DOCK10: variants seen among roughly 807,000 people sequenced by gnomAD.
DOCK10 encodes dedicator of cytokinesis protein 10.
DOCK10 carries 145 observed loss-of-function variants against 280.1 expected under a neutral mutation model. That is an observed-to-expected ratio of 0.52 (90% CI 0.45 to 0.59). The LOEUF (loss-of-function observed/expected upper bound fraction) is 0.59, where lower values mean the gene tolerates loss of function less well. Ranked by LOEUF, DOCK10 falls within the 20% of genes least tolerant of loss-of-function variation. DOCK10 has a pLI of 0.00. For synonymous variants in DOCK10, 915 were observed against 942.2 expected (o/e 0.97, Z 0.53); for missense variants, 2,368 against 2,651.7 (o/e 0.89, Z 2.35).
At chr2:224,849,747 T>G in intron 18 of DOCK10, 148 bp from the exon 19 acceptor site, 1 of 612,050 alleles carries the variant, frequency 1.6e-6, no homozygotes, top group Non-Finnish European at 2.9e-6. Flanking sequence ...TAATTAACCT[T>G]GAACTTCTTT....
chr2:224,870,545 T>A (rs1698203860), intron 11 of DOCK10, among the ~76,000 whole-genome samples: 1 of 152,152 alleles, frequency 6.6e-6, no homozygotes, highest in East Asian at 1.9e-4. Context: ...CTCTTTCACT[T>A]CATGTTCCTC....
At chr2:224,956,721 G>A (rs1035274913) in intron 1 of DOCK10, among the ~76,000 whole-genome samples, 1 of 151,684 alleles carries the variant, frequency 6.6e-6, no homozygotes, top group Non-Finnish European at 1.5e-5. Flanking sequence ...TCAGAAGCTG[G>A]TTCACCTAAT....
chr2:224,854,666 T>G (rs1696984762), intron 16 of DOCK10, among the ~76,000 whole-genome samples: 1 of 152,208 alleles, frequency 6.6e-6, no homozygotes, highest in African/African-American at 2.4e-5. Context: ...ATTTAATACC[T>G]TGTTAGGTGC....
chr2:224,767,481 C>T (rs1377951356), intron 55 of DOCK10, among the ~76,000 whole-genome samples: 1 of 152,178 alleles, frequency 6.6e-6, no homozygotes, highest in Non-Finnish European at 1.5e-5. Flanking sequence ...GTTTTTAAAA[C>T]TAACCCTGGG....
At position 224,892,397 on chromosome 2, in the gene DOCK10, C is replaced by CAAAAA. The variant is rs1174651393; in HGVS notation, c.416+3893_416+3897dup. Reference sequence around the variant, plus strand: ...CTGGGGACGAAGTGAGACCCTGTCTCAAAAAAAAAAAAAAAAAAAAAAAAA... The same window carrying CAAAAA: ...CTGGGGACGAAGTGAGACCCTGTCTCAAAAAAAAAAAAAAAAAAAAAAAAAAAAAA... On this transcript the variant is annotated intron_variant, in intron 4 of 55. Transcript: ENST00000258390. Among the ~76,000 whole-genome samples the CAAAAA allele has an allele frequency of 2.3e-3, 117 of 51,986 alleles. 1 individual carries two copies. The highest frequency in any genetic ancestry group is 5.0e-3 in the East Asian group (6 of 1,206). 34.1% of individuals were successfully genotyped at this position (51,986 alleles called of 152,430 possible).
intron 1 of DOCK10, among the ~76,000 whole-genome samples, chr2:225,041,794 T>A (rs891397467): frequency 1.3e-5 from 2 of 152,068 alleles, no homozygotes; most frequent in African/African-American, 4.8e-5. Context: ...ACGGACTGCA[T>A]CCCTCTCTCT....
chr2:224,812,417 T>C (rs577798498), intron 31 of DOCK10, among the ~76,000 whole-genome samples: 1 of 152,220 alleles, frequency 6.6e-6, no homozygotes, highest in Non-Finnish European at 1.5e-5. Flanking sequence ...AGATACACAA[T>C]CATGTCAACT....
rs552057584 is a variant in DOCK10 at position 224,991,737 on chromosome 2, C to G, written c.123+50515G>C. Among the ~76,000 whole-genome samples the G allele has an allele frequency of 3.9e-5, 6 of 152,202 alleles. No homozygotes were observed. The South Asian group carries it at 1.2e-3, about 32-fold the overall frequency. Reference sequence around the variant, plus strand: ...ATGGGCCACCCACCAAAGGAAGGGACAGATGACAGACAATCTGAGAAAATG... The same window carrying G: ...ATGGGCCACCCACCAAAGGAAGGGAGAGATGACAGACAATCTGAGAAAATG... On this transcript the variant is annotated intron_variant, in intron 1 of 55. Coordinates refer to ENST00000258390, the MANE Select transcript of DOCK10 (RefSeq NM_014689.3).
At chr2:224,864,443 G>T (rs1489932206) in intron 13 of DOCK10, 110 bp downstream of exon 13, 5 of 1,059,282 alleles carry the variant, frequency 4.7e-6, no homozygotes, top group Non-Finnish European at 6.6e-6. Context: ...CCAGGAGACA[G>T]AGGTTGCAGT....
intron 22 of DOCK10, among the ~76,000 whole-genome samples, chr2:224,842,763 G>C (rs1696050625): frequency 6.6e-6 from 1 of 152,152 alleles, no homozygotes; most frequent in Non-Finnish European, 1.5e-5. Flanking sequence ...CAGAGCAGAG[G>C]GCAAGGAAGG....
intron 40 of DOCK10, among the ~76,000 whole-genome samples, chr2:224,800,710 T>G (rs1424244162): frequency 6.6e-6 from 1 of 152,212 alleles, no homozygotes; most frequent in Non-Finnish European, 1.5e-5. Flanking sequence ...GCTAACAATC[T>G]GTCAATGAAA....
intron 13 of DOCK10, among the ~76,000 whole-genome samples, chr2:224,863,163 A>G (rs1697638647): frequency 6.6e-6 from 1 of 152,226 alleles, no homozygotes; most frequent in Non-Finnish European, 1.5e-5. Context: ...TTCATGGGCC[A>G]TATAGTCTCT....
intron 51 of DOCK10, 38 bp from the exon 52 acceptor site, chr2:224,775,153 C>A (rs375579674): frequency 6.3e-7 from 1 of 1,591,210 alleles, no homozygotes; most frequent in African/African-American, 1.3e-5. Context: ...AGTGGTGTGC[C>A]CTGGAGCGCT....
chr2:224,827,792 A>G (rs1054860557), intron 27 of DOCK10, among the ~76,000 whole-genome samples: 17 of 152,328 alleles, frequency 1.1e-4, no homozygotes, highest in African/African-American at 3.6e-4. Flanking sequence ...AAGCAAAAAT[A>G]GGATTTGCGA....
chr2:224,982,578 AATAT>A (rs1242182458), intron 1 of DOCK10: 4 of 934,872 alleles, frequency 4.3e-6, no homozygotes, highest in Non-Finnish European at 5.1e-6. Flanking sequence ...CACACTCAGG[AATAT>A]TAGAGCACTG....
chr2:225,041,023 T>G (rs1207601668), intron 1 of DOCK10, among the ~76,000 whole-genome samples: 2 of 152,058 alleles, frequency 1.3e-5, no homozygotes, highest in African/African-American at 2.4e-5. Flanking sequence ...GGCCACCAAT[T>G]CGTTTCACAC....
rs141279137 is a variant in DOCK10 at position 225,041,379 on chromosome 2, T to A, written c.123+873A>T. Among the ~76,000 whole-genome samples the A allele has an allele frequency of 3.9e-3, 597 of 152,298 alleles. 6 individuals carry two copies. The highest frequency in any genetic ancestry group is 0.014 in the African/African-American group (576 of 41,552). On this transcript the variant is annotated intron_variant, in intron 1 of 55. Transcript: ENST00000258390. ...CTGTTGTTCCCACTCGCTTCCCGTT[T>A]CCACTAGAGTTGATTTGTCTCTTGC...
chr2:224,902,865 G>A lies in DOCK10; in HGVS notation c.334-6488C>T, dbSNP rs140247992. On this transcript the variant is annotated intron_variant, in intron 3 of 55. Transcript: ENST00000258390. Reference sequence around the variant, plus strand: ...TCCCAGCACTTAGGGAGGCCAACGCGGGCAGATCATGAGGTCAGGAGACCG... The same window carrying A: ...TCCCAGCACTTAGGGAGGCCAACGCAGGCAGATCATGAGGTCAGGAGACCG... 4.2e-3 allele frequency among the ~76,000 whole-genome samples: 635 copies of A among 152,220 alleles called. 6 individuals are homozygous for A. The highest frequency in any genetic ancestry group is 0.015 in the African/African-American group (606 of 41,546).
intron 1 of DOCK10, among the ~76,000 whole-genome samples, chr2:225,026,971 A>C (rs1411360244): frequency 6.6e-6 from 1 of 152,162 alleles, no homozygotes; most frequent in Non-Finnish European, 1.5e-5. Flanking sequence ...TAAATGGTTC[A>C]GACTATCTTT....
Sources: gnomAD v4.1 joint callset for allele counts (sites outside exome capture counted in the v4.1 genomes callset) on GRCh38, gnomAD v4.1.1 for gene constraint, MANE v1.5 for transcripts, NCBI Gene and HGNC (gene_info 2026-07-23, HGNC 2026-07-21) for gene names.